PCDHA12: variants seen among roughly 807,000 people sequenced by gnomAD.
The protein encoded by PCDHA12 is protocadherin alpha 12, also known as protocadherin alpha-12.
In PCDHA12, 44 loss-of-function variants were observed where a neutral mutation model predicts 60.0. The observed-to-expected ratio is 0.73, with a 90% CI of 0.58 to 0.94. PCDHA12 has a LOEUF of 0.94. Ranked by LOEUF, PCDHA12 falls within the 40% of genes least tolerant of loss-of-function variation. The probability of loss-of-function intolerance (pLI) is 0.00; values close to 1 mark genes in which losing one functional copy is unlikely to be tolerated. For synonymous variants in PCDHA12, 569 were observed against 553.0 expected, an observed-to-expected ratio of 1.03 and a Z score of -0.40; for missense variants, 1,276 against 1,239.7, an observed-to-expected ratio of 1.03 and a Z score of -0.44.
At chr5:140,888,796 T>C (rs1158691492) in intron 1 of PCDHA12, among the ~76,000 whole-genome samples, 1 of 152,008 alleles carries the variant, frequency 6.6e-6, no homozygotes, top group East Asian at 1.9e-4. Context: ...TCTGGGGAGG[T>C]TGATCAGTGA....
rs137969621 is a variant in PCDHA12, at chr5:140,884,072, G to T, written c.2367+6233G>T. The T allele has an allele frequency of 9.1e-5, 147 of 1,613,476 alleles. 1 individual carries two copies. In the African/African-American group the frequency reaches 1.7e-3, roughly 19 times the overall value. On this transcript the variant is annotated intron_variant, in intron 1 of 3. Coordinates refer to ENST00000398631, the MANE Select transcript of PCDHA12 (RefSeq NM_018903.4). ...GGTGCGCGCGGTGGACGCCGATTCGGGCTACAATGCGTGGCTTTCGTATGA... is the reference window on the plus strand; with the variant it reads ...GGTGCGCGCGGTGGACGCCGATTCGTGCTACAATGCGTGGCTTTCGTATGA...
chr5:140,882,580 C>G (rs371338305), intron 1 of PCDHA12: 3 of 1,614,244 alleles, frequency 1.9e-6, no homozygotes, highest in East Asian at 4.5e-5. Flanking sequence ...AGTGCAGCAT[C>G]CACCTGGAGG....
chr5:140,887,670 C>T (rs368430565), intron 1 of PCDHA12, among the ~76,000 whole-genome samples: 1 of 151,988 alleles, frequency 6.6e-6, no homozygotes, highest in Non-Finnish European at 1.5e-5. Context: ...GTGGATTTAT[C>T]ATTTTCATCA....
intron 1 of PCDHA12, among the ~76,000 whole-genome samples, chr5:140,977,651 G>T (rs1554238723): frequency 6.6e-6 from 1 of 152,136 alleles, no homozygotes; most frequent in East Asian, 1.9e-4. Flanking sequence ...CCTTGACTTT[G>T]GCTAATTCTC....
At chr5:140,958,484 G>A (rs246009) in intron 1 of PCDHA12, among the ~76,000 whole-genome samples, 85,541 of 151,786 alleles carry the variant, frequency 0.56, 24,705 homozygotes, top group African/African-American at 0.69. Flanking sequence ...AGAGCACTAA[G>A]TCCACATATC....
intron 3 of PCDHA12, among the ~76,000 whole-genome samples, chr5:140,994,564 G>A (rs1554254259): frequency 6.6e-6 from 1 of 152,070 alleles, no homozygotes; most frequent in Non-Finnish European, 1.5e-5. Flanking sequence ...AATTAGCCGG[G>A]TGTGGTGGCA....
chr5:140,994,954 T>C (rs2097657181), intron 3 of PCDHA12, among the ~76,000 whole-genome samples: 1 of 152,230 alleles, frequency 6.6e-6, no homozygotes, highest in Non-Finnish European at 1.5e-5. Flanking sequence ...AAATAATTTG[T>C]AGTTTCATTT....
rs2056022183 is a variant in PCDHA12 at position 140,875,984 on chromosome 5, C to T, written c.512C>T (p.Ala171Val). Reference protein sequence around the residue: ...DIGVNSLLTYALSLNENFELK... With the variant: ...DIGVNSLLTYVLSLNENFELK... ...GGCGTAAACTCTCTTTTGACCTATGCGTTAAGTCTAAATGAGAATTTTGAG... is the reference window on the plus strand; with the variant it reads ...GGCGTAAACTCTCTTTTGACCTATGTGTTAAGTCTAAATGAGAATTTTGAG... Residue 171 changes from alanine to valine, a missense_variant, in exon 1 of 4, where the codon GCG becomes GTG. Physicochemically the swap from Ala to Val is moderately conservative, Grantham distance 64. Coordinates refer to ENST00000398631, the MANE Select transcript of PCDHA12 (RefSeq NM_018903.4). 6.2e-7 allele frequency: 1 copy of T among 1,613,870 alleles called. No homozygotes were observed. The highest frequency in any genetic ancestry group is 2.2e-5 in the East Asian group (1 of 44,890).
At chr5:140,927,994 G>C in intron 1 of PCDHA12, 1 of 1,614,180 alleles carries the variant, frequency 6.2e-7, no homozygotes, top group Non-Finnish European at 8.5e-7. Flanking sequence ...AAAGGATGAA[G>C]ACCTCGATTC....
intron 1 of PCDHA12, among the ~76,000 whole-genome samples, chr5:140,924,841 G>C (rs891279703): frequency 1.1e-4 from 17 of 151,378 alleles, no homozygotes; most frequent in South Asian, 2.1e-4. Context: ...GTTGCAGGGA[G>C]CTCAGATCGT....
intron 3 of PCDHA12, among the ~76,000 whole-genome samples, chr5:140,982,861 G>A (rs1356683030): frequency 1.3e-5 from 2 of 152,110 alleles, no homozygotes; most frequent in African/African-American, 4.8e-5. Flanking sequence ...CCTTTCAAAT[G>A]CTTAGGTCAT....
chr5:140,883,627 G>T (rs781902332), intron 1 of PCDHA12: 78 of 1,613,816 alleles, frequency 4.8e-5, no homozygotes, highest in Non-Finnish European at 6.2e-5. Flanking sequence ...ACAACGCGCC[G>T]GCGTTCGCGC....
chr5:140,883,352 G>T (rs1554177776), intron 1 of PCDHA12: 1 of 1,614,164 alleles, frequency 6.2e-7, no homozygotes, highest in South Asian at 1.1e-5. Flanking sequence ...CATCAGAGAA[G>T]ACACTCAGCC....
chr5:140,907,364 C>T (rs1042794275), intron 1 of PCDHA12, among the ~76,000 whole-genome samples: 5 of 152,122 alleles, frequency 3.3e-5, no homozygotes, highest in East Asian at 1.9e-4. Context: ...CTTCTTTAGT[C>T]GTAAAGTGAG....
At chr5:140,958,597 G>A (rs551005076) in intron 1 of PCDHA12, among the ~76,000 whole-genome samples, 60 of 152,170 alleles carry the variant, frequency 3.9e-4, no homozygotes, top group African/African-American at 1.4e-3. Context: ...ATGATAATTG[G>A]ATCAAAGGAA....
At chr5:140,927,092 G>T in intron 1 of PCDHA12, 1 of 1,612,746 alleles carries the variant, frequency 6.2e-7, no homozygotes, top group Non-Finnish European at 8.5e-7. Flanking sequence ...CTCTACTTCG[G>T]GGTGGATCTA....
At chr5:140,977,301 G>T (rs1478869150) in intron 1 of PCDHA12, among the ~76,000 whole-genome samples, 1 of 152,208 alleles carries the variant, frequency 6.6e-6, no homozygotes, top group Non-Finnish European at 1.5e-5. Context: ...CAGCTGACAA[G>T]CTAACGATAG....
intron 2 of PCDHA12, chr5:140,982,235 T>C (rs782570505): frequency 2.6e-5 from 17 of 646,792 alleles, no homozygotes; most frequent in Non-Finnish European, 3.9e-5. Flanking sequence ...AAAAACAGAA[T>C]TGCCATAAAG....
At chr5:140,998,055 T>C (rs2097794971) in intron 3 of PCDHA12, among the ~76,000 whole-genome samples, 1 of 152,190 alleles carries the variant, frequency 6.6e-6, no homozygotes, top group Non-Finnish European at 1.5e-5. Flanking sequence ...AGTGACATCA[T>C]CATCAACAGA....
Sources: gnomAD v4.1 joint callset for allele counts (sites outside exome capture counted in the v4.1 genomes callset) on GRCh38, gnomAD v4.1.1 for gene constraint, MANE v1.5 for transcripts, NCBI Gene and HGNC (gene_info 2026-07-23, HGNC 2026-07-21) for gene names.